The following MLPH variants were observed in gnomAD, a reference collection of about 807,000 sequenced individuals.
MLPH encodes exophilin-3.
A neutral mutation model predicts 72.1 loss-of-function variants in MLPH; 51 were observed. That is an observed-to-expected ratio of 0.71 (90% CI 0.56 to 0.89). MLPH has a LOEUF of 0.89. Ranked by LOEUF, MLPH falls within the 40% of genes least tolerant of loss-of-function variation. MLPH has a pLI of 0.00. For synonymous variants in MLPH, 301 were observed against 310.1 expected, an observed-to-expected ratio of 0.97 and a Z score of 0.31; for missense variants, 743 against 759.9, an observed-to-expected ratio of 0.98 and a Z score of 0.26.
intron 1 of MLPH, among the ~76,000 whole-genome samples, chr2:237,490,426 T>C (rs2079407468): frequency 1.3e-5 from 2 of 152,226 alleles, no homozygotes; most frequent in Admixed American, 1.3e-4. Context: ...TGCTCTGTGA[T>C]CTTTTTATCC....
In MLPH at chr2:237,546,612, C is replaced by A. The variant is rs150184334; in HGVS notation, c.1546C>A (p.Leu516Ile). Residue 516 changes from leucine (L) to isoleucine (I), a missense_variant, in exon 13 of 16, where the codon CTC becomes ATC. Leu to Ile is a conservative substitution (Grantham distance 5). Transcript: ENST00000264605. ...TCTCTTCTTTGCCCTCCAGATATTT[C>A]TCCCTCGAGTGGCTGGGAAACTTGG... ...PRRKSNLPIF[L>I]PRVAGKLGKR... is the part of the protein sequence containing the mutation. 1.2e-6 allele frequency: 2 copies of A among 1,613,990 alleles called. No individual in the cohort carries two copies. The highest frequency in any genetic ancestry group is 1.7e-6 in the Non-Finnish European group (2 of 1,179,972).
intron 8 of MLPH, among the ~76,000 whole-genome samples, chr2:237,532,466 G>A (rs938160234): frequency 2.0e-5 from 3 of 152,182 alleles, no homozygotes; most frequent in Non-Finnish European, 2.9e-5. Flanking sequence ...CGCACCCTCC[G>A]CCCCCTCACT....
intron 2 of MLPH, among the ~76,000 whole-genome samples, chr2:237,500,216 G>A (rs538023736): frequency 6.6e-6 from 1 of 152,166 alleles, no homozygotes; most frequent in East Asian, 1.9e-4. Flanking sequence ...CCTTTCGCAG[G>A]GTCGAGGGCC....
chr2:237,514,084 A>G (rs2079964196), intron 4 of MLPH, among the ~76,000 whole-genome samples: 1 of 152,112 alleles, frequency 6.6e-6, no homozygotes, highest in African/African-American at 2.4e-5. Flanking sequence ...GCGTGTGGAA[A>G]GAAGATTATA....
chr2:237,542,616 C>T lies in MLPH; in HGVS notation c.1496C>T (p.Thr499Met), dbSNP rs373395826. 122 of 1,601,814 alleles carry T rather than the reference C, an allele frequency of 7.6e-5. No homozygotes were observed. Among genetic ancestry groups the T allele is most frequent in the African/African-American group, 5.1e-4 (38 of 74,756 alleles). Residue 499 changes from threonine to methionine, a missense_variant, in exon 12 of 16, where the codon ACG becomes ATG. By Grantham distance (81) the Thr-to-Met change is moderately conservative. Transcript: ENST00000264605. ...RIAALRAAGL[T>M]VKPSGKPRRK... ...GCAGCCCTGAGGGCCGCAGGGCTCA[C>T]GGTGAAGCCCTCGGGAAAGCCCCGG...
chr2:237,496,051 C>T (rs2106461842), intron 2 of MLPH, among the ~76,000 whole-genome samples: 1 of 152,330 alleles, frequency 6.6e-6, no homozygotes, highest in East Asian at 1.9e-4. Flanking sequence ...GCAATCCCTG[C>T]GTCAGCTTTG....
intron 9 of MLPH, among the ~76,000 whole-genome samples, chr2:237,536,711 C>G (rs139919838): frequency 0.011 from 1,749 of 152,326 alleles, 16 homozygotes; most frequent in Middle Eastern, 0.092. Flanking sequence ...CAGGTGGACA[C>G]TGGAGATCTG....
rs181607099 is a variant in MLPH at position 237,525,869 on chromosome 2, C to T, written c.880+64C>T. 5.5e-5 allele frequency: 81 copies of T among 1,482,458 alleles called. No homozygotes were observed. In the East Asian group the frequency reaches 9.2e-4, roughly 17 times the overall value. The allele number at this position is 1,482,458 out of a possible 1,614,324, so 91.8% of individuals were successfully genotyped here. On this transcript the variant is annotated intron_variant, in intron 7 of 15. Coordinates refer to ENST00000264605, the MANE Select transcript of MLPH (RefSeq NM_024101.7). ...CATGGGGGAGCAGGTCACTGAGGAA[C>T]AACCCCACCACCCTGACCTATCCAA...
intron 2 of MLPH, among the ~76,000 whole-genome samples, chr2:237,501,606 C>T (rs1180805677): frequency 1.4e-5 from 2 of 146,160 alleles, no homozygotes; most frequent in Non-Finnish European, 3.0e-5. Context: ...GAGGGTGGAT[C>T]ACCTGAGGTC....
At chr2:237,544,440 C>T (rs1175541889) in intron 12 of MLPH, among the ~76,000 whole-genome samples, 1 of 42,972 alleles carries the variant, frequency 2.3e-5, no homozygotes, top group Non-Finnish European at 3.8e-5. Flanking sequence ...TGAATGGGCA[C>T]GGTAGTGAGT....
chr2:237,493,578 A>C, intron 2 of MLPH, 42 bp downstream of exon 2: 1 of 1,500,754 alleles, frequency 6.7e-7, no homozygotes, highest in Non-Finnish European at 9.3e-7. Context: ...GGGGTCCCTG[A>C]TCTTCCCCCA....
chr2:237,523,888 T>C (rs1418402862), intron 6 of MLPH, among the ~76,000 whole-genome samples: 1 of 151,492 alleles, frequency 6.6e-6, no homozygotes, highest in Non-Finnish European at 1.5e-5. Flanking sequence ...GGCTATTTAC[T>C]GGGAGCAGTG....
At position 237,510,437 on chromosome 2, in the gene MLPH, T is replaced by C. The variant is rs187724470; in HGVS notation, c.111-137T>C. The C allele has an allele frequency of 1.1e-4, 103 of 941,438 alleles. No homozygotes were observed. The East Asian group carries it at 1.8e-3, about 17-fold the overall frequency. 58.3% of individuals were successfully genotyped at this position (941,438 alleles called of 1,614,324 possible). ...GGCTTTGCCCAACGTTGGGTCACTG[T>C]TTTCTGCATAGGAGACAGTTACTGT... On this transcript the variant is annotated intron_variant, in intron 2 of 15. Transcript: ENST00000264605. The surrounding 1 kb of genome is among the most constrained non-coding windows in gnomAD (Gnocchi z 4.4).
chr2:237,546,529 T>A (rs2080921715), intron 12 of MLPH, 77 bp from the exon 13 acceptor site: 2 of 1,272,550 alleles, frequency 1.6e-6, no homozygotes, highest in Admixed American at 3.4e-5. Flanking sequence ...CATCCTTACA[T>A]CCAGCTGACC....
At chr2:237,507,841 G>A (rs975461995) in intron 2 of MLPH, among the ~76,000 whole-genome samples, 1 of 152,124 alleles carries the variant, frequency 6.6e-6, no homozygotes, top group Non-Finnish European at 1.5e-5. Flanking sequence ...TACCCAAGTC[G>A]AAACAGTTCA....
At chr2:237,533,577 G>A (rs976735830) in intron 8 of MLPH, among the ~76,000 whole-genome samples, 4 of 152,122 alleles carry the variant, frequency 2.6e-5, no homozygotes, top group Non-Finnish European at 5.9e-5. Flanking sequence ...TATTTTAGTA[G>A]AGATGGCGTT....
At chr2:237,552,155 CTG>C in intron 14 of MLPH, 180 bp from the exon 15 acceptor site, 1 of 574,486 alleles carries the variant, frequency 1.7e-6, no homozygotes, top group Non-Finnish European at 3.1e-6. Context: ...GTTGGCAAAA[CTG>C]TTGATTTGCA....
intron 5 of MLPH, 72 bp from the exon 6 acceptor site, chr2:237,519,838 G>A: frequency 6.2e-7 from 1 of 1,609,916 alleles, no homozygotes; most frequent in African/African-American, 1.3e-5. Flanking sequence ...GGGTTGGGGA[G>A]GTGCAGGGTA....
rs559484396 is a variant in MLPH, at chr2:237,510,295, C to T, written c.111-279C>T. 2.0e-6 allele frequency: 1 copy of T among 493,330 alleles called. No homozygotes were observed. Among genetic ancestry groups the T allele is most frequent in the East Asian group, 3.8e-5 (1 of 26,078 alleles). 30.6% of individuals were successfully genotyped at this position (493,330 alleles called of 1,614,324 possible). ...CAACCAAAATTGGTACAATTGTAAA[C>T]AGCCACAGAAATGCTTAAATGCAAT... On this transcript the variant is annotated intron_variant, in intron 2 of 15. Coordinates refer to ENST00000264605, the MANE Select transcript of MLPH (RefSeq NM_024101.7). The surrounding 1 kb of genome is among the most constrained non-coding windows in gnomAD (Gnocchi z 4.4).
Sources: allele counts gnomAD v4.1 joint callset (sites outside exome capture counted in the v4.1 genomes callset), GRCh38; gene constraint gnomAD v4.1.1; non-coding constraint Gnocchi (gnomAD v3.1); transcripts MANE v1.5; gene names NCBI Gene and HGNC (gene_info 2026-07-23, HGNC 2026-07-21).